The following FAT2 variants were observed in gnomAD, a reference collection of about 807,000 sequenced individuals.
FAT2 encodes the protein FAT atypical cadherin 2, also known as protocadherin Fat 2.
A neutral mutation model predicts 295.3 loss-of-function variants in FAT2; 150 were observed. The ratio of observed to expected loss-of-function variants is 0.51; its 90% CI spans 0.44 to 0.58. The LOEUF is 0.58. FAT2 is among the 20% of genes least tolerant of loss of function. The pLI is 0.00. For missense variants in FAT2, 4,868 were observed against 5,442.7 expected, an observed-to-expected ratio of 0.89 and a Z score of 3.32; for synonymous variants, 2,026 against 2,150.3, an observed-to-expected ratio of 0.94 and a Z score of 1.60.
intron 23 of FAT2, 105 bp downstream of exon 23, chr5:151,507,049 G>A: frequency 1.0e-6 from 1 of 965,428 alleles, no homozygotes; most frequent in Non-Finnish European, 1.6e-6. Flanking sequence ...CCAAAGGGTT[G>A]GATGCGTGGT....
At position 151,567,335 on chromosome 5, in the gene FAT2, C is replaced by T. The variant is rs1188121161; in HGVS notation, c.1597G>A (p.Val533Ile). 20 of 1,614,176 alleles carry T rather than the reference C, an allele frequency of 1.2e-5. No homozygotes were observed. The highest frequency in any genetic ancestry group is 1.5e-5 in the Non-Finnish European group (18 of 1,180,040). Residue 533 changes from valine to isoleucine, a missense_variant, in exon 2 of 24, where the codon GTA becomes ATA. Val to Ile is a conservative substitution (Grantham distance 29). Around this residue, in one of 5 missense-constraint regions of FAT2, gnomAD observed 3,297 missense variants for 3,669.4 expected, o/e 0.90. Coordinates refer to ENST00000261800, the MANE Select transcript of FAT2 (RefSeq NM_001447.3). Reference sequence around the variant, plus strand: ...GGGGATCCCCAGTCTGATGCTCTTACCCGGAAGGTATAAATTCTTTTCATG... The same window carrying T: ...GGGGATCCCCAGTCTGATGCTCTTATCCGGAAGGTATAAATTCTTTTCATG... ...ELMKRIYTFRVRASDWGSPFR... is the reference protein window; with the variant it reads ...ELMKRIYTFRIRASDWGSPFR...
chr5:151,510,323 T>C (rs1761223945), intron 21 of FAT2, 149 bp from the exon 22 acceptor site: 1 of 862,484 alleles, frequency 1.2e-6, no homozygotes, highest in Non-Finnish European at 1.8e-6. Flanking sequence ...GTGCTGGGCA[T>C]TGGTGCCCTG....
intron 13 of FAT2, 111 bp from the exon 14 acceptor site, chr5:151,532,081 G>A (rs868519104): frequency 2.1e-6 from 3 of 1,414,810 alleles, no homozygotes; most frequent in South Asian, 2.7e-5. Context: ...CATGAAGGCG[G>A]ACAAGCTGGC....
chr5:151,521,697 C>T lies in FAT2; in HGVS notation c.10896G>A (p.Trp3632Ter). 1 of 1,613,974 alleles carries T rather than the reference C, an allele frequency of 6.2e-7. No individual in the cohort carries two copies. The highest frequency in any genetic ancestry group is 8.5e-7 in the Non-Finnish European group (1 of 1,179,992). Residue 3632 changes from tryptophan to a stop codon, truncating the protein, a stop_gained, in exon 19 of 24, where the codon TGG becomes TGA. Transcript: ENST00000261800. LOFTEE classifies it high-confidence loss of function. ...VGQEALQQAM[W>*]MGFYQLTPEE... ...CGGGGGTGAGCTGGTAGAAGCCCAT[C>T]CACATGGCCTGCTGCAGAGCCTCCT... is the stretch of plus-strand genomic sequence containing the variant.
chr5:151,522,084 C>A lies in FAT2; in HGVS notation c.10509G>T (p.Ala3503=). ...AQEWYQLQIQ[A]SDSGIPPLSS... is the part of the protein sequence containing the mutation. ...AGAGGGGAGGGATGCCACTGTCTGA[C>A]GCCTGTGGGCAAAACAAACACTGCT... The change falls in exon 19 of 24, where the codon GCG becomes GCT. Residue 3503 remains alanine, a splice_region_variant and synonymous_variant. Coordinates refer to ENST00000261800, the MANE Select transcript of FAT2 (RefSeq NM_001447.3). The A allele has an allele frequency of 6.3e-7, 1 of 1,578,824 alleles. No homozygotes were observed. The highest frequency in any genetic ancestry group is 8.6e-7 in the Non-Finnish European group (1 of 1,156,078).
intron 11 of FAT2, among the ~76,000 whole-genome samples, chr5:151,540,013 A>C (rs188714933): frequency 3.0e-4 from 46 of 152,356 alleles, no homozygotes; most frequent in Non-Finnish European, 5.6e-4. Context: ...GTCTGGGGTC[A>C]GGTCTCTGTT....
chr5:151,512,375 A>G lies in FAT2; in HGVS notation c.11695T>C (p.Leu3899=), dbSNP rs566375545. ...TGGGAGACATTCGAGGAAGAATGCA[A>G]CAGAATGAGGCCGCCCAGCAAGAGG... The part of the protein sequence containing the change: ...RHLLLGGLIL[L]HSSSNVSQGF... The change falls in exon 21 of 24, where the codon TTG becomes CTG. Residue 3899 remains leucine (L), a synonymous_variant. Coordinates refer to ENST00000261800, the MANE Select transcript of FAT2 (RefSeq NM_001447.3). The surrounding 1 kb of genome is among the most constrained non-coding windows in gnomAD (Gnocchi z 4.1). The G allele has an allele frequency of 2.7e-5, 44 of 1,614,224 alleles. No homozygotes were observed. In the South Asian group the frequency reaches 4.7e-4, roughly 17 times the overall value.
At chr5:151,551,633 A>G (rs1297251590) in intron 6 of FAT2, 27 bp from the exon 7 acceptor site, 1 of 1,613,290 alleles carries the variant, frequency 6.2e-7, no homozygotes, top group Non-Finnish European at 8.5e-7. Context: ...GAGAAAGCAC[A>G]CACAACCTCA....
Position 151,567,797 on chromosome 5 carries a change from T to C in FAT2, c.1135A>G (p.Ser379Gly). 6.2e-7 allele frequency: 1 copy of C among 1,614,188 alleles called. No homozygotes were observed. Among genetic ancestry groups the C allele is most frequent in the Non-Finnish European group, 8.5e-7 (1 of 1,180,028 alleles). ...GTGACTCTCACCATCACCACGCGGCTGCCAGGAGGGGAAAACTCACTAAGC... is the reference window on the plus strand; with the variant it reads ...GTGACTCTCACCATCACCACGCGGCCGCCAGGAGGGGAAAACTCACTAAGC... ...VQLSEFSPPG[S>G]RVVMVRVTPA... The change falls in exon 2 of 24, where the codon AGC becomes GGC. Residue 379 changes from serine to glycine, a missense_variant. Transcript: ENST00000261800.
Position 151,531,665 on chromosome 5 carries a change from G to A in FAT2, c.9733C>T (p.Arg3245Cys), listed in dbSNP as rs776326390. Reference sequence around the variant, plus strand: ...TAGCCGGTCTTCTCTGCGCCCGGGCGAGTGAGGGTGGCCAGCTGCAGCACC... The same window carrying A: ...TAGCCGGTCTTCTCTGCGCCCGGGCAAGTGAGGGTGGCCAGCTGCAGCACC... ...TEVLQLATLT[R>C]PGAEKTGYRV... The change falls in exon 14 of 24, where the codon CGC (arginine) becomes TGC (cysteine). Residue 3245 changes from arginine (R) to cysteine (C), a missense_variant. Coordinates refer to ENST00000261800, the MANE Select transcript of FAT2 (RefSeq NM_001447.3). This position sits in a 1 kb window ranked among gnomAD's most constrained non-coding sequence, Gnocchi z 5.7. The A allele has an allele frequency of 3.7e-6, 6 of 1,613,650 alleles. No individual in the cohort carries two copies. The highest frequency in any genetic ancestry group is 5.1e-6 in the Non-Finnish European group (6 of 1,179,924).
intron 22 of FAT2, among the ~76,000 whole-genome samples, chr5:151,509,109 G>A (rs1024534337): frequency 6.6e-6 from 1 of 152,202 alleles, no homozygotes; most frequent in Non-Finnish European, 1.5e-5. Flanking sequence ...TGGCAGTGGG[G>A]TTCCAGGCAC....
intron 14 of FAT2, among the ~76,000 whole-genome samples, chr5:151,529,829 T>C (rs996947378): frequency 6.6e-6 from 1 of 152,206 alleles, no homozygotes; most frequent in African/African-American, 2.4e-5. Flanking sequence ...ATGAGATTCA[T>C]TAATACTCAA....
chr5:151,552,053 A>G (rs929526606), intron 6 of FAT2, among the ~76,000 whole-genome samples: 3 of 151,620 alleles, frequency 2.0e-5, no homozygotes, highest in South Asian at 2.1e-4. Context: ...TCAACATTAT[A>G]ACAGTGGATT....
chr5:151,534,150 G>C (rs1184322798), intron 13 of FAT2, among the ~76,000 whole-genome samples: 2 of 152,172 alleles, frequency 1.3e-5, no homozygotes, highest in Non-Finnish European at 2.9e-5. Flanking sequence ...GTATTGAAAA[G>C]TCCCCAGGTC....
rs958839342 is a variant in FAT2, at chr5:151,591,296, C to T, written c.-152G>A. ...AGCAGGAAGGCGCGCAGCCCGCAGC[C>T]GGAGAGGCTGCTGAGAAAGTTGGAG... On this transcript the variant is annotated 5_prime_UTR_variant, in exon 1 of 24. Coordinates refer to ENST00000261800, the MANE Select transcript of FAT2 (RefSeq NM_001447.3). 8.5e-5 allele frequency among the ~76,000 whole-genome samples: 13 copies of T among 152,148 alleles called. No individual in the cohort carries two copies. The highest frequency in any genetic ancestry group is 1.3e-4 in the Admixed American group (2 of 15,272).
chr5:151,575,026 A>G (rs7710596), intron 1 of FAT2, among the ~76,000 whole-genome samples: 70,309 of 152,112 alleles, frequency 0.46, 16,346 homozygotes, highest in Middle Eastern at 0.5. Context: ...CACAGGGAGG[A>G]AAGATGCAGA....
chr5:151,586,461 G>A (rs997954929), intron 1 of FAT2, among the ~76,000 whole-genome samples: 4 of 152,122 alleles, frequency 2.6e-5, no homozygotes, highest in African/African-American at 4.8e-5. Context: ...TTATGACATC[G>A]CCCCTTTCAG....
intron 22 of FAT2, 63 bp downstream of exon 22, chr5:151,509,958 G>T: frequency 1.3e-6 from 2 of 1,574,680 alleles, no homozygotes; most frequent in Admixed American, 3.4e-5. Context: ...CTTTCTAGAG[G>T]TCAGAGTACA....
intron 2 of FAT2, 26 bp downstream of exon 2, chr5:151,565,647 A>AGGCCCC: frequency 3.5e-5 from 51 of 1,460,968 alleles, no homozygotes; most frequent in Non-Finnish European, 3.7e-5. Context: ...TGGCCCTGGC[A>AGGCCCC]CCCCACCCTA....
Sources: allele counts gnomAD v4.1 joint callset (sites outside exome capture counted in the v4.1 genomes callset), GRCh38; gene constraint gnomAD v4.1.1; regional missense constraint gnomAD v4.1.1; non-coding constraint Gnocchi (gnomAD v3.1); transcripts MANE v1.5; gene names NCBI Gene and HGNC (gene_info 2026-07-23, HGNC 2026-07-21).